The following PTPRD variants were observed in gnomAD, a reference collection of about 807,000 sequenced individuals.
PTPRD encodes protein tyrosine phosphatase receptor type D, also known as receptor-type tyrosine-protein phosphatase delta.
A neutral mutation model predicts 214.5 loss-of-function variants in PTPRD; 34 were observed. The ratio of observed to expected loss-of-function variants is 0.16; its 90% CI spans 0.12 to 0.21. PTPRD has a LOEUF of 0.21. Among genes scored for constraint, PTPRD ranks in the 10% least tolerant of loss-of-function variants. PTPRD has a pLI of 1.00. For synonymous variants in PTPRD, 1,128 were observed against 845.7 expected, an observed-to-expected ratio of 1.33 and a Z score of -5.79; for missense variants, 2,545 against 2,398.7, an observed-to-expected ratio of 1.06 and a Z score of -1.27.
intron 3 of PTPRD, among the ~76,000 whole-genome samples, chr9:10,340,470 T>C (rs2096918276): frequency 6.6e-6 from 1 of 151,906 alleles, no homozygotes; most frequent in Non-Finnish European, 1.5e-5. Flanking sequence ...TTTTTGTTTT[T>C]TGTTTTTGGT....
At chr9:8,696,092 C>T (rs960178298) in intron 12 of PTPRD, among the ~76,000 whole-genome samples, 2 of 152,182 alleles carry the variant, frequency 1.3e-5, no homozygotes, top group Non-Finnish European at 2.9e-5. Context: ...ACTGGATCAG[C>T]AGAGACATCT....
chr9:9,356,702 T>C (rs1003983791), intron 9 of PTPRD, among the ~76,000 whole-genome samples: 6 of 151,394 alleles, frequency 4.0e-5, no homozygotes, highest in Admixed American at 6.6e-5. Context: ...AGAAGACCCA[T>C]GTTTGAGTTT....
At chr9:8,951,237 G>C (rs927572808) in intron 11 of PTPRD, among the ~76,000 whole-genome samples, 1 of 149,898 alleles carries the variant, frequency 6.7e-6, no homozygotes, top group African/African-American at 2.5e-5. Context: ...GTTTTCCACT[G>C]TCTTTCTGGT....
intron 8 of PTPRD, among the ~76,000 whole-genome samples, chr9:9,557,891 A>T (rs902705083): frequency 3.9e-5 from 6 of 152,340 alleles, no homozygotes; most frequent in African/African-American, 1.2e-4. Flanking sequence ...GGTTTTATTC[A>T]GCGGCAGCTC....
chr9:8,895,357 C>G (rs2098600496), intron 11 of PTPRD, among the ~76,000 whole-genome samples: 1 of 152,174 alleles, frequency 6.6e-6, no homozygotes, highest in Non-Finnish European at 1.5e-5. Flanking sequence ...AAATTCAACA[C>G]TATTAATGGA....
intron 11 of PTPRD, among the ~76,000 whole-genome samples, chr9:8,986,315 T>G (rs776863361): frequency 1.3e-5 from 2 of 152,028 alleles, no homozygotes; most frequent in African/African-American, 2.4e-5. Context: ...ATTTTTTATT[T>G]ATGGAAGTGA....
intron 3 of PTPRD, among the ~76,000 whole-genome samples, chr9:10,260,766 C>T (rs566679364): frequency 4.5e-4 from 69 of 152,142 alleles, no homozygotes; most frequent in African/African-American, 1.6e-3. Context: ...GGAGATTGTA[C>T]TTACACTTGT....
chr9:10,603,380 T>G (rs911271560), intron 2 of PTPRD, among the ~76,000 whole-genome samples: 1 of 151,898 alleles, frequency 6.6e-6, no homozygotes, highest in African/African-American at 2.4e-5. Context: ...GCATTCACAT[T>G]TGTGATCATT....
intron 2 of PTPRD, among the ~76,000 whole-genome samples, chr9:10,587,036 A>C (rs2074106837): frequency 6.6e-6 from 1 of 152,104 alleles, no homozygotes; most frequent in African/African-American, 2.4e-5. Context: ...TAATAAATAG[A>C]TCACTGTTAA....
intron 9 of PTPRD, among the ~76,000 whole-genome samples, chr9:9,226,470 C>T (rs140767431): frequency 5.9e-4 from 90 of 151,834 alleles, no homozygotes; most frequent in African/African-American, 2.1e-3. Flanking sequence ...AAACTCAGCC[C>T]AGGGAATTTA....
rs531093721 is a variant in PTPRD, at chr9:10,089,236, A to AATAAATAAATAG, written c.-544-55447_-544-55446insCTATTTATTTAT. Among the ~76,000 whole-genome samples, 1,162 of 150,774 alleles carry AATAAATAAATAG rather than the reference A, an allele frequency of 7.7e-3. 21 individuals carry two copies. The highest frequency in any genetic ancestry group is 0.027 in the African/African-American group (1,107 of 41,062). ...AAATAAATAAATAAATAAATAAATA[A>AATAAATAAATAG]ATAGAAATAAAATGATGAATTTCAT... On this transcript the variant is annotated intron_variant, in intron 3 of 45. Coordinates refer to ENST00000381196, the MANE Select transcript of PTPRD (RefSeq NM_002839.4).
chr9:8,896,094 T>C (rs7023322), intron 11 of PTPRD, among the ~76,000 whole-genome samples: 3 of 152,210 alleles, frequency 2.0e-5, no homozygotes, highest in African/African-American at 7.2e-5. Context: ...AGTGTTGACA[T>C]GGGGCAAGAC....
intron 9 of PTPRD, among the ~76,000 whole-genome samples, chr9:9,267,771 T>C (rs1940708761): frequency 6.7e-6 from 1 of 149,580 alleles, no homozygotes; most frequent in African/African-American, 2.5e-5. Context: ...GGATGAATTA[T>C]AAAAATCATA....
intron 3 of PTPRD, among the ~76,000 whole-genome samples, chr9:10,191,855 T>A (rs2099364958): frequency 6.6e-6 from 1 of 152,218 alleles, no homozygotes; most frequent in African/African-American, 2.4e-5. Flanking sequence ...TCTATATGAC[T>A]TCGTCAAAAC....
intron 12 of PTPRD, among the ~76,000 whole-genome samples, chr9:8,649,103 C>T (rs1344451523): frequency 6.6e-6 from 1 of 152,150 alleles, no homozygotes; most frequent in African/African-American, 2.4e-5. Context: ...GCCATCTTTC[C>T]CAATTTTATG....
intron 9 of PTPRD, among the ~76,000 whole-genome samples, chr9:9,252,751 C>G (rs556113504): frequency 1.3e-5 from 2 of 152,122 alleles, no homozygotes; most frequent in Admixed American, 6.6e-5. Context: ...AAAATAAATC[C>G]AAGTTTTAAA....
intron 11 of PTPRD, among the ~76,000 whole-genome samples, chr9:8,839,513 T>G (rs2570963): frequency 0.02 from 3,075 of 151,892 alleles, 90 homozygotes; most frequent in South Asian, 0.089. Context: ...TTAGTAGAGA[T>G]GAGGTTTCAT....
intron 39 of PTPRD, among the ~76,000 whole-genome samples, chr9:8,365,104 C>G (rs2134066602): frequency 6.6e-6 from 1 of 151,910 alleles, no homozygotes; most frequent in African/African-American, 2.4e-5. Context: ...ACCTCATTGG[C>G]CTAATTTTGT....
intron 7 of PTPRD, among the ~76,000 whole-genome samples, chr9:9,584,750 T>C (rs968281552): frequency 2.6e-5 from 4 of 151,996 alleles, no homozygotes; most frequent in Non-Finnish European, 4.4e-5. Context: ...CTTTTTCTAA[T>C]GACAACAAAT....
Sources: allele counts gnomAD v4.1 joint callset (sites outside exome capture counted in the v4.1 genomes callset), GRCh38; gene constraint gnomAD v4.1.1; transcripts MANE v1.5; gene names NCBI Gene and HGNC (gene_info 2026-07-23, HGNC 2026-07-21).